ACYP2: variants seen among roughly 807,000 people sequenced by gnomAD.
ACYP2 encodes acylphosphatase 2.
Under a neutral mutation model 11.2 loss-of-function variants are expected in ACYP2, and 12 were observed. That is an observed-to-expected ratio of 1.08 (90% CI 0.69 to 1.74). The LOEUF is 1.74. ACYP2 is among the 40% of genes most tolerant of loss of function. The pLI is 0.00. For synonymous variants in ACYP2, 43 were observed against 32.2 expected (o/e 1.33, Z -1.13); for missense variants, 134 against 101.9 (o/e 1.31, Z -1.35).
At chr2:54,165,574 T>C (rs995103848) in intron 6 of ACYP2, among the ~76,000 whole-genome samples, 98 of 119,532 alleles carry the variant, frequency 8.2e-4, no homozygotes, top group Non-Finnish European at 7.8e-4. Flanking sequence ...CACACACACA[T>C]TAGAGACAAC....
chr2:54,257,037 C>A (rs1292775199), intron 6 of ACYP2, among the ~76,000 whole-genome samples: 2 of 152,128 alleles, frequency 1.3e-5, no homozygotes, highest in Non-Finnish European at 2.9e-5. Context: ...GCCAATTTGT[C>A]ATTTTCCCCT....
intron 4 of ACYP2, among the ~76,000 whole-genome samples, chr2:54,074,580 G>T (rs1260904583): frequency 4.0e-5 from 1 of 24,900 alleles, no homozygotes; most frequent in Non-Finnish European, 7.9e-5. Context: ...AACAGAATTT[G>T]TGTGTGTGTG....
At chr2:53,996,276 C>T (rs1282181605) in intron 2 of ACYP2, among the ~76,000 whole-genome samples, 3 of 152,056 alleles carry the variant, frequency 2.0e-5, no homozygotes, top group Non-Finnish European at 1.5e-5. Context: ...AGGAAGCAGA[C>T]ACTGAAATAA....
intron 6 of ACYP2, among the ~76,000 whole-genome samples, chr2:54,175,903 T>A (rs889107851): frequency 6.6e-6 from 1 of 152,142 alleles, no homozygotes; most frequent in Admixed American, 6.6e-5. Context: ...TTTTGGTAGA[T>A]GATCAGATCA....
chr2:54,168,356 G>A (rs1683091215), intron 6 of ACYP2, among the ~76,000 whole-genome samples: 1 of 152,190 alleles, frequency 6.6e-6, no homozygotes, highest in Admixed American at 6.6e-5. Flanking sequence ...AAACCGGGAA[G>A]CAGAGGTTGC....
intron 6 of ACYP2, among the ~76,000 whole-genome samples, chr2:54,252,693 G>C (rs1052926706): frequency 4.6e-5 from 7 of 152,114 alleles, no homozygotes; most frequent in Non-Finnish European, 1.0e-4. Flanking sequence ...CACAAGGTCA[G>C]GAGATTTGAG....
chr2:53,986,770 A>G (rs1292878115), intron 2 of ACYP2, among the ~76,000 whole-genome samples: 1 of 151,602 alleles, frequency 6.6e-6, no homozygotes, highest in Non-Finnish European at 1.5e-5. Context: ...GATCACAGAT[A>G]TGCACCACCA....
chr2:54,165,525 TCTCTCTCTCTCACACACA>T (rs1424647917), intron 6 of ACYP2, among the ~76,000 whole-genome samples: 8 of 135,408 alleles, frequency 5.9e-5, no homozygotes, highest in African/African-American at 2.3e-4. Context: ...ACTCTCTCTC[TCTCTCTCTCTCACACACA>T]CACACACACA....
intron 6 of ACYP2, among the ~76,000 whole-genome samples, chr2:54,201,594 C>CTTTCTT (rs57144917): frequency 2.6e-4 from 25 of 95,780 alleles, no homozygotes; most frequent in African/African-American, 5.6e-4. Flanking sequence ...TTCTTTCTTT[C>CTTTCTT]TCTTTCTTTC....
At chr2:54,240,399 A>C (rs1315822512) in intron 6 of ACYP2, among the ~76,000 whole-genome samples, 2 of 152,168 alleles carry the variant, frequency 1.3e-5, no homozygotes, top group Admixed American at 6.5e-5. Context: ...CAAAAAAGAA[A>C]ATTCACTTTT....
chr2:54,274,577 T>C (rs1015202329), intron 6 of ACYP2, among the ~76,000 whole-genome samples: 1 of 130,040 alleles, frequency 7.7e-6, no homozygotes, highest in Non-Finnish European at 1.5e-5. Flanking sequence ...CAGTGAGCCA[T>C]GGTCACACCA....
chr2:54,013,910 C>T (rs1673535909), intron 2 of ACYP2, among the ~76,000 whole-genome samples: 1 of 152,012 alleles, frequency 6.6e-6, no homozygotes, highest in Non-Finnish European at 1.5e-5. Flanking sequence ...GTAATTCCAC[C>T]ACTTTGGGAG....
chr2:54,175,226 C>T (rs1208031855), intron 6 of ACYP2, among the ~76,000 whole-genome samples: 1 of 152,114 alleles, frequency 6.6e-6, no homozygotes, highest in Non-Finnish European at 1.5e-5. Context: ...CTGGTCTTTT[C>T]AGAGATTCAA....
intron 4 of ACYP2, among the ~76,000 whole-genome samples, chr2:54,114,875 G>A (rs1196341024): frequency 1.3e-5 from 2 of 152,160 alleles, no homozygotes; most frequent in East Asian, 3.8e-4. Context: ...CTGTACAGAA[G>A]AGCTCAAGAT....
intron 6 of ACYP2, among the ~76,000 whole-genome samples, chr2:54,234,098 C>A (rs1369051936): frequency 6.6e-6 from 1 of 152,052 alleles, no homozygotes; most frequent in African/African-American, 2.4e-5. Context: ...ATGATTTTCC[C>A]GTTGAAACTC....
At chr2:54,204,675 C>G (rs1685000134) in intron 6 of ACYP2, among the ~76,000 whole-genome samples, 1 of 152,150 alleles carries the variant, frequency 6.6e-6, no homozygotes, top group African/African-American at 2.4e-5. Flanking sequence ...CTTATAACTG[C>G]CTGGCATTCG....
intron 6 of ACYP2, among the ~76,000 whole-genome samples, chr2:54,231,893 CAT>C (rs1216613318): frequency 6.6e-6 from 1 of 152,220 alleles, no homozygotes; most frequent in Non-Finnish European, 1.5e-5. Flanking sequence ...AAGTGATCTA[CAT>C]ATGTTATTTC....
At chr2:53,975,614 C>T (rs978534570) in intron 2 of ACYP2, among the ~76,000 whole-genome samples, 5 of 152,124 alleles carry the variant, frequency 3.3e-5, no homozygotes, top group African/African-American at 9.7e-5. Context: ...AGGCGGATCA[C>T]AAGGTCAGGA....
chr2:54,050,477 A>G (rs1675785959), intron 2 of ACYP2, among the ~76,000 whole-genome samples: 1 of 147,280 alleles, frequency 6.8e-6, no homozygotes, highest in African/African-American at 2.5e-5. Context: ...TGAGCCCAGG[A>G]GTTGGAGGCT....
Sources: allele counts gnomAD v4.1 joint callset (sites outside exome capture counted in the v4.1 genomes callset), GRCh38; gene constraint gnomAD v4.1.1; transcripts MANE v1.5; gene names NCBI Gene and HGNC (gene_info 2026-07-23, HGNC 2026-07-21).